Variants in PHLDB1 observed in about 807,000 individuals in gnomAD.
The protein encoded by PHLDB1 is pleckstrin homology-like domain family B member 1.
Under a neutral mutation model 139.3 loss-of-function variants are expected in PHLDB1, and 65 were observed. The observed-to-expected ratio is 0.47, with a 90% CI of 0.38 to 0.57. PHLDB1 has a LOEUF of 0.57. Ranked by LOEUF, PHLDB1 falls within the 20% of genes least tolerant of loss-of-function variation. The pLI, the probability that PHLDB1 is intolerant of heterozygous loss-of-function variation, is 0.00. For synonymous variants in PHLDB1, 679 were observed against 734.5 expected, an observed-to-expected ratio of 0.92 and a Z score of 1.22; for missense variants, 1,624 against 1,839.7, an observed-to-expected ratio of 0.88 and a Z score of 2.14.
Position 118,650,818 on chromosome 11 carries a change from A to G in PHLDB1, c.3874+271A>G, listed in dbSNP as rs1426134351. 6.1e-6 allele frequency: 3 copies of G among 490,696 alleles called. No individual in the cohort carries two copies. The highest frequency in any genetic ancestry group is 1.1e-5 in the Non-Finnish European group (3 of 271,120). The allele number at this position is 490,696 out of a possible 1,614,324, so 30.4% of individuals were successfully genotyped here. On this transcript the variant is annotated intron_variant, in intron 20 of 22. Coordinates refer to ENST00000600882, the MANE Select transcript of PHLDB1 (RefSeq NM_001144758.3). The surrounding 1 kb of genome is among the most constrained non-coding windows in gnomAD (Gnocchi z 4.7). The stretch of plus-strand genomic sequence containing the variant: ...GGCTCTGGTGATGAGTAAGATGGCC[A>G]CAGCGCTCTCATGGAGCTTATAATC...
chr11:118,626,686 T>TA (rs1943935773), intron 5 of PHLDB1, among the ~76,000 whole-genome samples: 1 of 149,260 alleles, frequency 6.7e-6, no homozygotes, highest in South Asian at 2.1e-4. Flanking sequence ...CCTGGCCTCT[T>TA]TTTTTTTTGA....
Position 118,635,418 on chromosome 11 carries a change from C to T in PHLDB1, c.2405C>T (p.Thr802Ile). The T allele has an allele frequency of 1.2e-6, 2 of 1,606,470 alleles. No individual in the cohort carries two copies. Among genetic ancestry groups the T allele is most frequent in the Non-Finnish European group, 1.7e-6 (2 of 1,176,986 alleles). ...GAGGCAGAGGCCCTGGAGACTGAGA[C>T]AAAGCTCTTTGAGGACTTGGAGTTC... ...DKEAEALETE[T>I]KLFEDLEFQQ... is the part of the protein sequence containing the mutation. The change falls in exon 10 of 23, where the codon ACA becomes ATA. Residue 802 changes from threonine to isoleucine, a missense_variant. Physicochemically the swap from Thr to Ile is moderately conservative, Grantham distance 89. Transcript: ENST00000600882.
At chr11:118,646,452 G>A (rs544363682) in intron 17 of PHLDB1, 1 of 152,518 alleles carries the variant, frequency 6.6e-6, no homozygotes, top group South Asian at 2.1e-4. Context: ...GCAACTACAG[G>A]AATTTTGATT....
At position 118,631,980 on chromosome 11, in the gene PHLDB1, T is replaced by A; in HGVS notation, c.2168T>A (p.Val723Glu). Residue 723 changes from valine (V) to glutamate (E), a missense_variant, in exon 8 of 23, where the codon GTG (valine) becomes GAG (glutamate). Transcript: ENST00000600882. The stretch of plus-strand genomic sequence containing the variant: ...GCCCTGGAAGAAGAGCGGGCTCAGG[T>A]GCTGGGGCACGTGGAGCAGCTCAAG... ...VLALEEERAQ[V>E]LGHVEQLKVR... The A allele has an allele frequency of 1.9e-6, 3 of 1,613,976 alleles. No homozygotes were observed. The highest frequency in any genetic ancestry group is 2.5e-6 in the Non-Finnish European group (3 of 1,179,958).
rs782367977 is a variant in PHLDB1, at chr11:118,645,633, C to G, written c.3399C>G (p.Ser1133=). The G allele has an allele frequency of 1.2e-6, 2 of 1,613,152 alleles. No homozygotes were observed. The highest frequency in any genetic ancestry group is 1.7e-6 in the Non-Finnish European group (2 of 1,179,322). Residue 1133 remains serine, a synonymous_variant, in exon 16 of 23, where the codon TCC becomes TCG. Coordinates refer to ENST00000600882, the MANE Select transcript of PHLDB1 (RefSeq NM_001144758.3). This position sits in a 1 kb window ranked among gnomAD's most constrained non-coding sequence, Gnocchi z 5.1. The part of the protein sequence containing the change: ...SISTGGNSAC[S]PDNMSSASGL... The stretch of plus-strand genomic sequence containing the variant: ...CCACCGGGGGCAACTCGGCCTGCTC[C>G]CCTGACAACATGTCCAGGTACACCC...
intron 6 of PHLDB1, chr11:118,629,972 C>T: frequency 7.8e-7 from 1 of 1,279,962 alleles, no homozygotes; most frequent in South Asian, 1.2e-5. Context: ...TATCTGGGTC[C>T]TGGGGCAGGG....
At chr11:118,627,122 A>G (rs1944012437) in intron 5 of PHLDB1, 183 bp from the exon 6 acceptor site, 2 of 607,248 alleles carry the variant, frequency 3.3e-6, no homozygotes, top group East Asian at 5.6e-5. Context: ...AACTGAGGAC[A>G]AGTGACTTGG....
chr11:118,631,556 G>C (rs1001949204), intron 7 of PHLDB1, 77 bp downstream of exon 7: 11 of 1,241,052 alleles, frequency 8.9e-6, no homozygotes, highest in Non-Finnish European at 1.1e-6. Context: ...TGTATCCAAT[G>C]CCAAGGTCCA....
At chr11:118,656,454 T>C (rs1195895158) in intron 22 of PHLDB1, among the ~76,000 whole-genome samples, 1 of 152,222 alleles carries the variant, frequency 6.6e-6, no homozygotes, top group African/African-American at 2.4e-5. Context: ...GGTATAGCTC[T>C]GTCAGGGTCC....
intron 9 of PHLDB1, chr11:118,635,104 A>T: frequency 1.9e-6 from 1 of 520,140 alleles, no homozygotes. Flanking sequence ...CCCCAGAAGG[A>T]AGAGAGGAGA....
At chr11:118,606,880 G>A (rs1280508212), upstream of PHLDB1, among the ~76,000 whole-genome samples, 1 of 152,196 alleles carries the variant, frequency 6.6e-6, no homozygotes, top group African/African-American at 2.4e-5. Context: ...AAGTCTGTCG[G>A]GGTGGAGGGG....
chr11:118,607,890 T>A (rs1247259351), intron 1 of PHLDB1, among the ~76,000 whole-genome samples, 191 bp downstream of exon 1: 1 of 150,744 alleles, frequency 6.6e-6, no homozygotes, highest in Non-Finnish European at 1.5e-5. Context: ...TTATGGGGAG[T>A]TTTCCTGTGA....
chr11:118,609,008 C>T (rs10790253), intron 1 of PHLDB1, among the ~76,000 whole-genome samples: 2 of 150,784 alleles, frequency 1.3e-5, no homozygotes, highest in African/African-American at 4.9e-5. Context: ...ACACACGCAG[C>T]CCCAGCTCTC....
At position 118,639,601 on chromosome 11, in the gene PHLDB1, G is replaced by A. The variant is rs146763663; in HGVS notation, c.2736+350G>A. The A allele has an allele frequency of 2.9e-3, 1,002 of 347,672 alleles. 23 individuals carry two copies. In the East Asian group the frequency reaches 0.041, roughly 14 times the overall value. The allele number at this position is 347,672 out of a possible 1,614,324, so 21.5% of individuals were successfully genotyped here. A position where few individuals can be genotyped will look rare whatever the true frequency, so the allele number is the denominator to read the frequency against. On this transcript the variant is annotated intron_variant, in intron 12 of 22. Coordinates refer to ENST00000600882, the MANE Select transcript of PHLDB1 (RefSeq NM_001144758.3). Reference sequence around the variant, plus strand: ...CCTTGAAGGGGAGCATAGGGATATAGGGGTGCTGATCCTGGGGCTCTTGGG... The same window carrying A: ...CCTTGAAGGGGAGCATAGGGATATAAGGGTGCTGATCCTGGGGCTCTTGGG...
chr11:118,634,900 TCCCTCGCCCTCC>T (rs1422205147), intron 9 of PHLDB1: 3 of 431,582 alleles, frequency 7.0e-6, no homozygotes, highest in African/African-American at 6.1e-5. Flanking sequence ...CCCCGCCCTC[TCCCTCGCCCTCC>T]CGCCGACCAG....
At chr11:118,654,793 C>A (rs536128295) in intron 20 of PHLDB1, 1 of 143,976 alleles carries the variant, frequency 6.9e-6, no homozygotes, top group African/African-American at 2.6e-5. Flanking sequence ...TCTCAGCTCA[C>A]TGCAACCTCC....
In PHLDB1 at chr11:118,627,486, A is replaced by C. The variant is rs781867934; in HGVS notation, c.663A>C (p.Pro221=). 5.0e-6 allele frequency: 8 copies of C among 1,614,172 alleles called. No homozygotes were observed. The highest frequency in any genetic ancestry group is 6.8e-6 in the Non-Finnish European group (8 of 1,180,022). The change falls in exon 6 of 23, where the codon CCA becomes CCC. Residue 221 remains proline, a synonymous_variant. Transcript: ENST00000600882. ...AAGKKPAATS[P]LSPMANGGRY... is the part of the protein sequence containing the mutation. ...GCAAGAAGCCTGCCGCAACCTCTCC[A>C]CTGTCACCGATGGCTAATGGTGGGC...
In PHLDB1 at chr11:118,632,777, G is replaced by A; in HGVS notation, c.2379+481G>A. On this transcript the variant is annotated intron_variant, in intron 9 of 22. Coordinates refer to ENST00000600882, the MANE Select transcript of PHLDB1 (RefSeq NM_001144758.3). The surrounding 1 kb of genome is among the most constrained non-coding windows in gnomAD (Gnocchi z 5.9). Reference sequence around the variant, plus strand: ...GGATCTGCAGCCTCCCATCCCAGGTGATCCTAGCTCCTGCCCCTGCCCCTT... The same window carrying A: ...GGATCTGCAGCCTCCCATCCCAGGTAATCCTAGCTCCTGCCCCTGCCCCTT... 1 of 761,640 alleles carries A rather than the reference G, an allele frequency of 1.3e-6. No individual in the cohort carries two copies. The highest frequency in any genetic ancestry group is 1.6e-6 in the Non-Finnish European group (1 of 621,846). 47.2% of individuals were successfully genotyped at this position (761,640 alleles called of 1,614,324 possible). A position where few individuals can be genotyped will look rare whatever the true frequency, so the allele number is the denominator to read the frequency against.
chr11:118,607,059 T>C (rs1555079713), upstream of PHLDB1, among the ~76,000 whole-genome samples: 1 of 151,858 alleles, frequency 6.6e-6, no homozygotes, highest in Non-Finnish European at 1.5e-5. Flanking sequence ...GGGCTTGGAA[T>C]AGGGCGAGGG....
Sources: gnomAD v4.1 joint callset for allele counts (sites outside exome capture counted in the v4.1 genomes callset) on GRCh38, gnomAD v4.1.1 for gene constraint, Gnocchi (gnomAD v3.1) non-coding constraint, MANE v1.5 for transcripts, NCBI Gene and HGNC (gene_info 2026-07-23, HGNC 2026-07-21) for gene names.